The following CACNA1E variants were observed in gnomAD, a reference collection of about 807,000 sequenced individuals.
The protein encoded by CACNA1E is voltage-dependent R-type calcium channel subunit alpha-1E.
CACNA1E carries 40 observed loss-of-function variants against 259.2 expected under a neutral mutation model. The observed-to-expected ratio is 0.15, with a 90% CI of 0.12 to 0.20. The LOEUF is 0.20. Among genes scored for constraint, CACNA1E ranks in the 10% least tolerant of loss-of-function variants. The probability of loss-of-function intolerance (pLI) is 1.00; values close to 1 mark genes in which losing one functional copy is unlikely to be tolerated. For missense variants in CACNA1E, 1,874 were observed against 3,040.1 expected, an observed-to-expected ratio of 0.62 and a Z score of 9.02; for synonymous variants, 1,104 against 1,138.5, an observed-to-expected ratio of 0.97 and a Z score of 0.61.
chr1:181,790,468 C>T lies in CACNA1E; in HGVS notation c.5810C>T (p.Ser1937Leu), dbSNP rs1007685928. 14 of 1,611,898 alleles carry T rather than the reference C, an allele frequency of 8.7e-6. No individual in the cohort carries two copies. In the Middle Eastern group the frequency reaches 4.9e-4, roughly 57 times the overall value. ...AGGAGTGGCCGGAGTGGATACCCTTCGATGAGTCCACTCTCTCCCCAGGAT... is the reference window on the plus strand; with the variant it reads ...AGGAGTGGCCGGAGTGGATACCCTTTGATGAGTCCACTCTCTCCCCAGGAT... ...SGLSGRSGYPSMSPLSPQDIF... is the reference protein window; with the variant it reads ...SGLSGRSGYPLMSPLSPQDIF... Residue 1937 changes from serine to leucine, a missense_variant, in exon 44 of 48, where the codon TCG (serine) becomes TTG (leucine). Physicochemically the swap from Ser to Leu is moderately radical, Grantham distance 145. Around this residue, in one of 14 missense-constraint regions of CACNA1E, gnomAD observed 542 missense variants for 587.2 expected, o/e 0.92. Transcript: ENST00000367573.
chr1:181,775,878 G>T (rs924905292), intron 37 of CACNA1E, among the ~76,000 whole-genome samples: 48 of 152,098 alleles, frequency 3.2e-4, no homozygotes, highest in African/African-American at 1.1e-3. Flanking sequence ...ACCGATCCTG[G>T]TCTACACTCT....
At chr1:181,363,535 G>C (rs900557138) in intron 1 of CACNA1E, among the ~76,000 whole-genome samples, 1 of 152,174 alleles carries the variant, frequency 6.6e-6, no homozygotes, top group African/African-American at 2.4e-5. Flanking sequence ...ACAAGGTGAG[G>C]AGAACAACAA....
At chr1:181,462,406 A>G (rs1661877527) in intron 2 of CACNA1E, among the ~76,000 whole-genome samples, 2 of 152,198 alleles carry the variant, frequency 1.3e-5, no homozygotes, top group Admixed American at 6.5e-5. Flanking sequence ...ATCTTTGCCA[A>G]CTCTGGGTAT....
chr1:181,556,944 T>G (rs1170718900), intron 3 of CACNA1E, among the ~76,000 whole-genome samples: 3 of 152,224 alleles, frequency 2.0e-5, no homozygotes, highest in Non-Finnish European at 2.9e-5. Context: ...TCTCCCTCCC[T>G]TTTTTGTAAC....
intron 1 of CACNA1E, among the ~76,000 whole-genome samples, chr1:181,380,051 T>C (rs922370770): frequency 6.7e-6 from 1 of 148,798 alleles, no homozygotes; most frequent in African/African-American, 2.4e-5. Flanking sequence ...ATATATATAT[T>C]ATAAAGCCTA....
At chr1:181,797,824 G>A (rs1023275487) in intron 47 of CACNA1E, among the ~76,000 whole-genome samples, 1 of 152,200 alleles carries the variant, frequency 6.6e-6, no homozygotes, top group Non-Finnish European at 1.5e-5. Context: ...GACATGGGCA[G>A]GAATAAGGGT....
intron 6 of CACNA1E, 85 bp downstream of exon 6, chr1:181,580,861 G>C: frequency 4.3e-6 from 5 of 1,166,638 alleles, no homozygotes; most frequent in Non-Finnish European, 6.3e-6. Context: ...GGCTAGTCCG[G>C]GGACAGGGAG....
intron 1 of CACNA1E, among the ~76,000 whole-genome samples, chr1:181,412,934 C>T (rs1251585532): frequency 1.3e-5 from 2 of 152,258 alleles, no homozygotes; most frequent in African/African-American, 4.8e-5. Context: ...CTAATTTCAA[C>T]ATCATTTATC....
chr1:181,684,042 C>A (rs941267722), intron 7 of CACNA1E, among the ~76,000 whole-genome samples: 2 of 152,168 alleles, frequency 1.3e-5, no homozygotes, highest in Admixed American at 1.3e-4. Context: ...GTTTTAAATT[C>A]TTTGAGAAAT....
intron 7 of CACNA1E, among the ~76,000 whole-genome samples, chr1:181,688,263 A>G (rs1028625625): frequency 6.6e-6 from 1 of 152,178 alleles, no homozygotes; most frequent in African/African-American, 2.4e-5. Context: ...CCTATGCAAT[A>G]TATCGCTAAA....
At chr1:181,334,945 A>T (rs1247754414) in intron 1 of CACNA1E, among the ~76,000 whole-genome samples, 1 of 152,180 alleles carries the variant, frequency 6.6e-6, no homozygotes, top group African/African-American at 2.4e-5. Context: ...TGGACTGTCC[A>T]CAGCTCTCCC....
intron 7 of CACNA1E, among the ~76,000 whole-genome samples, chr1:181,669,541 A>G (rs1022308423): frequency 7.9e-5 from 12 of 152,170 alleles, no homozygotes; most frequent in Admixed American, 5.2e-4. Context: ...AGCACTCGTT[A>G]CGTTATTTTA....
intron 10 of CACNA1E, among the ~76,000 whole-genome samples, chr1:181,716,481 C>T (rs770131033): frequency 5.3e-5 from 8 of 152,132 alleles, no homozygotes; most frequent in Non-Finnish European, 1.0e-4. Context: ...TCCTGAGGAC[C>T]TGTTGCTTCC....
intron 6 of CACNA1E, among the ~76,000 whole-genome samples, chr1:181,623,067 A>C (rs1228297145): frequency 1.3e-5 from 2 of 152,230 alleles, no homozygotes; most frequent in African/African-American, 4.8e-5. Context: ...AATGATTATT[A>C]ATCATCATCA....
At chr1:181,643,638 G>T (rs1658002065) in intron 6 of CACNA1E, among the ~76,000 whole-genome samples, 1 of 152,204 alleles carries the variant, frequency 6.6e-6, no homozygotes, top group Non-Finnish European at 1.5e-5. Flanking sequence ...GTGGCTGCTT[G>T]TAGGTTGGGT....
At position 181,769,351 on chromosome 1, in the gene CACNA1E, G is replaced by GA. The variant is rs10707692; in HGVS notation, c.4882-1928dup. 8.1e-3 allele frequency among the ~76,000 whole-genome samples: 1,094 copies of GA among 134,664 alleles called. 5 individuals are homozygous for GA. The highest frequency in any genetic ancestry group is 0.032 in the East Asian group (156 of 4,808). The allele number at this position is 134,664 out of a possible 152,430, so 88.3% of individuals were successfully genotyped here. A position where few individuals can be genotyped will look rare whatever the true frequency, so the allele number is the denominator to read the frequency against. On this transcript the variant is annotated intron_variant, in intron 35 of 47. Coordinates refer to ENST00000367573, the MANE Select transcript of CACNA1E (RefSeq NM_001205293.3). The stretch of plus-strand genomic sequence containing the variant: ...AGTGACAAGGACTAAGTGAAAAGTT[G>GA]AAAAAAAAAAAAAAGTACAAAAAAT...
chr1:181,499,619 C>T (rs1390392798), intron 1 of CACNA1E, among the ~76,000 whole-genome samples: 4 of 152,192 alleles, frequency 2.6e-5, no homozygotes, highest in East Asian at 3.8e-4. Flanking sequence ...TTGGAGGACA[C>T]GATTAACTTT....
intron 43 of CACNA1E, 106 bp downstream of exon 43, chr1:181,785,925 T>G: frequency 1.4e-6 from 1 of 713,180 alleles, no homozygotes. Context: ...GAACAAATAC[T>G]CTGAGCTTGA....
intron 38 of CACNA1E, among the ~76,000 whole-genome samples, chr1:181,777,495 C>G (rs1660064573): frequency 1.3e-5 from 2 of 152,280 alleles, no homozygotes; most frequent in South Asian, 2.1e-4. Context: ...ACAGAGTTAT[C>G]TAAATCCATT....
Sources: allele counts gnomAD v4.1 joint callset (sites outside exome capture counted in the v4.1 genomes callset), GRCh38; gene constraint gnomAD v4.1.1; regional missense constraint gnomAD v4.1.1; transcripts MANE v1.5; gene names NCBI Gene and HGNC (gene_info 2026-07-23, HGNC 2026-07-21).